The following SFMBT2 variants were observed in gnomAD, a reference collection of about 807,000 sequenced individuals.
SFMBT2 encodes the protein scm-like with four MBT domains protein 2.
SFMBT2 carries 38 observed loss-of-function variants against 110.1 expected under a neutral mutation model. That is an observed-to-expected ratio of 0.35 (90% confidence interval 0.27 to 0.45). The LOEUF is 0.45. Among genes scored for constraint, SFMBT2 ranks in the 20% least tolerant of loss-of-function variants. The pLI is 1.00. For missense variants in SFMBT2, 1,011 were observed against 1,094.9 expected (o/e 0.92, Z 1.08); for synonymous variants, 425 against 425.4 (o/e 1.00, Z 0.01).
At position 7,397,355 on chromosome 10, in the gene SFMBT2, T is replaced by A. The variant is rs565417460; in HGVS notation, c.-52+13506A>T. 2.0e-5 allele frequency among the ~76,000 whole-genome samples: 3 copies of A among 151,524 alleles called. No individual in the cohort carries two copies. In the East Asian group the frequency reaches 5.8e-4, roughly 29 times the overall value. On this transcript the variant is annotated intron_variant, in intron 1 of 20. Transcript: ENST00000397167. ...CTCTGCAAAGGGAAAGGGCTTGCGG[T>A]TGTTTGTTGTTGTTTTTTTGTTTTT...
intron 6 of SFMBT2, among the ~76,000 whole-genome samples, chr10:7,281,636 C>A (rs769065720): frequency 1.3e-5 from 2 of 152,142 alleles, no homozygotes; most frequent in Non-Finnish European, 2.9e-5. Context: ...AGGGGTAGTA[C>A]AGCCTCTCTT....
At chr10:7,385,743 T>C (rs1298039269) in intron 1 of SFMBT2, among the ~76,000 whole-genome samples, 1 of 152,138 alleles carries the variant, frequency 6.6e-6, no homozygotes, top group Non-Finnish European at 1.5e-5. Context: ...CTCACGCCTG[T>C]AATCCCAGCA....
intron 16 of SFMBT2, among the ~76,000 whole-genome samples, chr10:7,188,212 C>T (rs1588780991): frequency 3.3e-5 from 5 of 152,216 alleles, no homozygotes; most frequent in Admixed American, 6.5e-5. Context: ...CTGTCAACTG[C>T]CAGAAAAGAG....
At position 7,336,885 on chromosome 10, in the gene SFMBT2, G is replaced by A. The variant is rs147049844; in HGVS notation, c.436+30764C>T. ...AAACTGAGGATCAGGAATAAAGTGC[G>A]TGAAGACAGAACAGAGACAGAGGGT... is the stretch of plus-strand genomic sequence containing the variant. On this transcript the variant is annotated intron_variant, in intron 4 of 20. Coordinates refer to ENST00000397167, the MANE Select transcript of SFMBT2 (RefSeq NM_001387889.1). Among the ~76,000 whole-genome samples, 634 of 152,280 alleles carry A rather than the reference G, an allele frequency of 4.2e-3. 3 individuals carry two copies. The highest frequency in any genetic ancestry group is 4.9e-3 in the African/African-American group (204 of 41,558).
At chr10:7,191,511 G>C (rs1000599877) in intron 15 of SFMBT2, among the ~76,000 whole-genome samples, 2 of 152,164 alleles carry the variant, frequency 1.3e-5, no homozygotes, top group South Asian at 2.1e-4. Flanking sequence ...TTCTTCCTGG[G>C]GAAACCCTTC....
intron 4 of SFMBT2, among the ~76,000 whole-genome samples, chr10:7,332,037 AG>A (rs57995701): frequency 0.66 from 61,151 of 93,246 alleles, 17,990 homozygotes; most frequent in South Asian, 0.78. Context: ...AAAAAAAAAA[AG>A]GAAAGGTGAA....
intron 11 of SFMBT2, 52 bp downstream of exon 11, chr10:7,220,359 T>A (rs1839685689): frequency 1.3e-6 from 2 of 1,565,030 alleles, no homozygotes; most frequent in Non-Finnish European, 1.7e-6. Context: ...CGTTGCCATT[T>A]CGACAAACTC....
chr10:7,265,796 T>C lies in SFMBT2; in HGVS notation c.870+11096A>G, dbSNP rs76262456. On this transcript the variant is annotated intron_variant, in intron 7 of 20. Transcript: ENST00000397167. Reference sequence around the variant, plus strand: ...CCTTCTAAGTTAATTTTTGGACTTATATCCCCATGAATCCCCATTCAAGAA... The same window carrying C: ...CCTTCTAAGTTAATTTTTGGACTTACATCCCCATGAATCCCCATTCAAGAA... Among the ~76,000 whole-genome samples, 1,306 of 152,270 alleles carry C rather than the reference T, an allele frequency of 8.6e-3. 30 individuals carry two copies. The highest frequency in any genetic ancestry group is 0.029 in the African/African-American group (1,218 of 41,548).
In SFMBT2 at chr10:7,305,430, T is replaced by A. The variant is rs1176209718; in HGVS notation, c.437-19476A>T. Among the ~76,000 whole-genome samples, 3 of 152,204 alleles carry A rather than the reference T, an allele frequency of 2.0e-5. No individual in the cohort carries two copies. The South Asian group carries it at 6.2e-4, about 32-fold the overall frequency. ...TACCTGTGGGTCCTCCACTATATTA[T>A]AAACTCCTGTGAGAAACAGGGATGA... On this transcript the variant is annotated intron_variant, in intron 4 of 20. Coordinates refer to ENST00000397167, the MANE Select transcript of SFMBT2 (RefSeq NM_001387889.1).
intron 1 of SFMBT2, among the ~76,000 whole-genome samples, chr10:7,382,185 G>A (rs1209875840): frequency 1.3e-5 from 2 of 152,084 alleles, no homozygotes; most frequent in African/African-American, 4.8e-5. Context: ...CGAGGTGGGT[G>A]GATCACTTGA....
At chr10:7,404,705 A>T (rs1361531816) in intron 1 of SFMBT2, among the ~76,000 whole-genome samples, 1 of 152,232 alleles carries the variant, frequency 6.6e-6, no homozygotes. Context: ...ACATGAATGG[A>T]AGCCTAGACG....
chr10:7,329,247 T>C (rs1843490422), intron 4 of SFMBT2, among the ~76,000 whole-genome samples: 1 of 152,220 alleles, frequency 6.6e-6, no homozygotes, highest in African/African-American at 2.4e-5. Context: ...GTGATGATGA[T>C]GACAATGATG....
At chr10:7,304,084 T>A (rs1427827423) in intron 4 of SFMBT2, among the ~76,000 whole-genome samples, 1 of 152,186 alleles carries the variant, frequency 6.6e-6, no homozygotes, top group African/African-American at 2.4e-5. Flanking sequence ...AGAAACAGAA[T>A]GAACCCAAGC....
intron 9 of SFMBT2, among the ~76,000 whole-genome samples, chr10:7,238,962 C>G (rs1446888555): frequency 6.6e-6 from 1 of 152,140 alleles, no homozygotes; most frequent in Non-Finnish European, 1.5e-5. Flanking sequence ...AGTAAAATCT[C>G]CAACATTCTA....
chr10:7,196,019 T>C (rs1003152966), intron 15 of SFMBT2, among the ~76,000 whole-genome samples: 7 of 152,180 alleles, frequency 4.6e-5, no homozygotes, highest in African/African-American at 1.7e-4. Context: ...CGAATACCAC[T>C]GATGACCAGG....
chr10:7,411,065 CT>C (rs766788794), upstream of SFMBT2, among the ~76,000 whole-genome samples: 4,326 of 53,688 alleles, frequency 0.081, 107 homozygotes, highest in African/African-American at 0.096. Flanking sequence ...GCTCGGCGCT[CT>C]TTTTTTTTTT....
chr10:7,383,495 A>G (rs1397491027), intron 1 of SFMBT2, among the ~76,000 whole-genome samples: 1 of 152,264 alleles, frequency 6.6e-6, no homozygotes. Context: ...GCATTGAGCT[A>G]TCCACCTGTT....
At chr10:7,205,152 G>A in intron 12 of SFMBT2, 1 of 209,466 alleles carries the variant, frequency 4.8e-6, no homozygotes, top group Non-Finnish European at 8.3e-6. Context: ...TTGCCATCTT[G>A]GCTCATTGCA....
chr10:7,265,220 G>A (rs1008112026), intron 7 of SFMBT2, among the ~76,000 whole-genome samples: 3 of 127,270 alleles, frequency 2.4e-5, no homozygotes, highest in African/African-American at 5.9e-5. Context: ...TTCCTTCTCT[G>A]AGATGAAGTC....
Sources: allele counts gnomAD v4.1 joint callset (sites outside exome capture counted in the v4.1 genomes callset), GRCh38; gene constraint gnomAD v4.1.1; transcripts MANE v1.5; gene names NCBI Gene and HGNC (gene_info 2026-07-23, HGNC 2026-07-21).